Variants in ATP5PF observed in about 807,000 individuals in gnomAD.
ATP5PF encodes ATP synthase peripheral stalk subunit F6.
A neutral mutation model predicts 12.0 loss-of-function variants in ATP5PF; 7 were observed. That is an observed-to-expected ratio of 0.58 (90% CI 0.33 to 1.10). ATP5PF has a LOEUF of 1.10. Ranked by LOEUF, ATP5PF falls within the 50% of genes least tolerant of loss-of-function variation. The pLI, the probability that ATP5PF is intolerant of heterozygous loss-of-function variation, is 0.03. For synonymous variants in ATP5PF, 41 were observed against 45.4 expected, an observed-to-expected ratio of 0.90 and a Z score of 0.39; for missense variants, 120 against 127.7, an observed-to-expected ratio of 0.94 and a Z score of 0.29.
intron 2 of ATP5PF, among the ~76,000 whole-genome samples, chr21:25,726,164 C>T (rs981771864): frequency 2.6e-5 from 4 of 152,202 alleles, no homozygotes; most frequent in African/African-American, 9.7e-5. Flanking sequence ...TTATTATCTA[C>T]TAATATCATC....
chr21:25,725,066 T>G, intron 3 of ATP5PF, 160 bp downstream of exon 3: 1 of 947,438 alleles, frequency 1.1e-6, no homozygotes, highest in Non-Finnish European at 1.5e-6. Flanking sequence ...CTGCTCTTAT[T>G]CTAACAGCAA....
Position 25,725,293 on chromosome 21 carries a change from C to T in ATP5PF, c.222G>A (p.Glu74=), listed in dbSNP as rs1026381485. 3 of 1,613,178 alleles carry T rather than the reference C, an allele frequency of 1.9e-6. No homozygotes were observed. The highest frequency in any genetic ancestry group is 1.3e-5 in the African/African-American group (1 of 74,918). Residue 74 remains glutamate, a synonymous_variant, in exon 3 of 4, where the codon GAG becomes GAA. Coordinates refer to ENST00000284971, the MANE Select transcript of ATP5PF (RefSeq NM_001003703.2). ...SSEYQQELER[E]LFKLKQMFGN... ...CAAACATTTGCTTGAGCTTAAAAAG[C>T]TCCCTCTCCAGCTCTTGCTGATACT... is the stretch of plus-strand genomic sequence containing the variant.
intron 2 of ATP5PF, 142 bp from the exon 3 acceptor site, chr21:25,725,492 T>A: frequency 1.1e-6 from 1 of 923,192 alleles, no homozygotes; most frequent in Non-Finnish European, 1.5e-6. Context: ...CAGGCTGGAG[T>A]GCGGTAGCAT....
chr21:25,732,979 C>G (rs1190246658), intron 1 of ATP5PF, among the ~76,000 whole-genome samples: 3 of 69,356 alleles, frequency 4.3e-5, no homozygotes, highest in Non-Finnish European at 4.8e-5. Context: ...GAGTGAAACT[C>G]TGTCTCAAAA....
At chr21:25,733,442 G>A (rs1234734484) in intron 1 of ATP5PF, among the ~76,000 whole-genome samples, 1 of 152,090 alleles carries the variant, frequency 6.6e-6, no homozygotes, top group African/African-American at 2.4e-5. Context: ...AGGCAGAAGG[G>A]CGTAAACCTG....
In ATP5PF at chr21:25,729,931, CA is replaced by C; in HGVS notation, c.-7-131del. 4 of 1,055,706 alleles carry C rather than the reference CA, an allele frequency of 3.8e-6. No individual in the cohort carries two copies. The South Asian group carries it at 8.4e-5, about 22-fold the overall frequency. 65.4% of individuals were successfully genotyped at this position (1,055,706 alleles called of 1,614,324 possible). A position where few individuals can be genotyped will look rare whatever the true frequency, so the allele number is the denominator to read the frequency against. ...TATCAGATCTCAGTCTATACCTGAC[CA>C]CAGTTCCCTTCTCCTCCTTATTCCC... On this transcript the variant is annotated intron_variant, in intron 1 of 3. Transcript: ENST00000284971.
intron 2 of ATP5PF, among the ~76,000 whole-genome samples, 176 bp from the exon 3 acceptor site, chr21:25,725,526 G>A (rs1013106175): frequency 2.6e-5 from 4 of 151,296 alleles, no homozygotes; most frequent in African/African-American, 9.7e-5. Flanking sequence ...TGCAACCTCC[G>A]ACTCCCTGGT....
In ATP5PF at chr21:25,724,581, T is replaced by A; in HGVS notation, c.*59A>T. 2 of 1,546,686 alleles carry A rather than the reference T, an allele frequency of 1.3e-6. No individual in the cohort carries two copies. Among genetic ancestry groups the A allele is most frequent in the South Asian group, 1.2e-5 (1 of 86,844 alleles). On this transcript the variant is annotated 3_prime_UTR_variant, in exon 4 of 4. Coordinates refer to ENST00000284971, the MANE Select transcript of ATP5PF (RefSeq NM_001003703.2). ...TGAAATGCATGTTTATTCTGAAACT[T>A]CTAACTAGTTGTACAACTAATCCGT... is the stretch of plus-strand genomic sequence containing the variant.
chr21:25,730,411 T>G (rs1171754598), intron 1 of ATP5PF, among the ~76,000 whole-genome samples: 3 of 151,822 alleles, frequency 2.0e-5, no homozygotes, highest in African/African-American at 7.3e-5. Context: ...AATAAATTGG[T>G]GAAGGAGATG....
rs2034911386 is a variant in ATP5PF at position 25,734,184 on chromosome 21, CTA to C, written c.-8+667_-8+668del. ...TGAAATACCACCTGACATAAATTCT[CTA>C]TTCCAGTACCATCGGGTGCCACGAG... On this transcript the variant is annotated intron_variant, in intron 1 of 3. Coordinates refer to ENST00000284971, the MANE Select transcript of ATP5PF (RefSeq NM_001003703.2). 18 of 346,732 alleles carry C rather than the reference CTA, an allele frequency of 5.2e-5. 1 individual carries two copies. The South Asian group carries it at 2.1e-3, about 40-fold the overall frequency. The allele number at this position is 346,732 out of a possible 1,614,324, so 21.5% of individuals were successfully genotyped here. A position where few individuals can be genotyped will look rare whatever the true frequency, so the allele number is the denominator to read the frequency against.
At chr21:25,731,805 C>A (rs1415860805) in intron 1 of ATP5PF, among the ~76,000 whole-genome samples, 1 of 152,084 alleles carries the variant, frequency 6.6e-6, no homozygotes, top group Non-Finnish European at 1.5e-5. Flanking sequence ...TATTTAGAGG[C>A]CAGGCGAGGT....
At chr21:25,730,736 CAAAAAAAAAAAAAAAAAAAAAA>C (rs71183508) in intron 1 of ATP5PF, among the ~76,000 whole-genome samples, 68 of 31,894 alleles carry the variant, frequency 2.1e-3, no homozygotes, top group South Asian at 5.2e-3. Context: ...CTCCGTCTCA[CAAAAAAAAAAAAAAAAAAAAAA>C]AAAAAAAAAA....
chr21:25,729,906 T>C, intron 1 of ATP5PF, 105 bp from the exon 2 acceptor site: 1 of 1,299,640 alleles, frequency 7.7e-7, no homozygotes, highest in Non-Finnish European at 1.1e-6. Context: ...AATTACATCA[T>C]ATCAGATCTC....
upstream of ATP5PF, chr21:25,735,000 C>T (rs773516625): frequency 3.9e-6 from 6 of 1,547,284 alleles, no homozygotes; most frequent in Non-Finnish European, 4.4e-6. Context: ...GGACAGGAAG[C>T]GTCTCGGAGA....
intron 1 of ATP5PF, 66 bp downstream of exon 1, chr21:25,734,787 C>T (rs2034954466): frequency 2.1e-6 from 3 of 1,455,172 alleles, no homozygotes. Context: ...GCAGCCCAGG[C>T]CTCGTGAAAA....
Position 25,724,690 on chromosome 21 carries a change from G to C in ATP5PF, c.290-13C>G. Reference sequence around the variant, plus strand: ...TCAAATTTGGGATCTAAGAAGAGGGGGAAAAAAGGGTCAAGCTTAGCCAAA... The same window carrying C: ...TCAAATTTGGGATCTAAGAAGAGGGCGAAAAAAGGGTCAAGCTTAGCCAAA... On this transcript the variant is annotated splice_polypyrimidine_tract_variant and intron_variant, in intron 3 of 3. Coordinates refer to ENST00000284971, the MANE Select transcript of ATP5PF (RefSeq NM_001003703.2). The C allele has an allele frequency of 2.5e-6, 4 of 1,588,968 alleles. 1 individual carries two copies. In the South Asian group the frequency reaches 4.6e-5, roughly 18 times the overall value.
intron 2 of ATP5PF, among the ~76,000 whole-genome samples, chr21:25,727,408 C>G (rs2034646276): frequency 1.3e-5 from 2 of 152,186 alleles, no homozygotes; most frequent in African/African-American, 4.8e-5. Context: ...GTTCATTTCA[C>G]TAGCAAATAC....
At chr21:25,734,112 C>T (rs2034906867) in intron 1 of ATP5PF, among the ~76,000 whole-genome samples, 1 of 152,116 alleles carries the variant, frequency 6.6e-6, no homozygotes, top group Non-Finnish European at 1.5e-5. Flanking sequence ...TTAGTGAATG[C>T]ATATTGTCCA....
intron 2 of ATP5PF, 149 bp downstream of exon 2, chr21:25,729,482 C>T: frequency 1.5e-6 from 1 of 650,246 alleles, no homozygotes; most frequent in Non-Finnish European, 2.4e-6. Context: ...TCCTTATCTT[C>T]TTTTTTGAGG....
Sources: allele counts gnomAD v4.1 joint callset (sites outside exome capture counted in the v4.1 genomes callset), GRCh38; gene constraint gnomAD v4.1.1; transcripts MANE v1.5; gene names NCBI Gene and HGNC (gene_info 2026-07-23, HGNC 2026-07-21).